CAMTA1: variants seen among roughly 807,000 people sequenced by gnomAD.
CAMTA1 encodes calmodulin binding transcription activator 1, also known as calmodulin-binding transcription activator 1.
Under a neutral mutation model 170.9 loss-of-function variants are expected in CAMTA1, and 27 were observed. The ratio of observed to expected loss-of-function variants is 0.16; its 90% confidence interval spans 0.12 to 0.22. CAMTA1 has a LOEUF of 0.22. Ranked by LOEUF, CAMTA1 falls within the 10% of genes least tolerant of loss-of-function variation. The pLI, the probability that CAMTA1 is intolerant of heterozygous loss-of-function variation, is 1.00. For synonymous variants in CAMTA1, 833 were observed against 891.5 expected (o/e 0.93, Z 1.17); for missense variants, 1,619 against 2,217.2 (o/e 0.73, Z 5.42).
chr1:6,900,610 A>T (rs1335236885), intron 3 of CAMTA1, among the ~76,000 whole-genome samples: 1 of 152,202 alleles, frequency 6.6e-6, no homozygotes, highest in Non-Finnish European at 1.5e-5. Context: ...ACAACAAGAT[A>T]CAAGATCAAT....
At chr1:7,060,678 G>A (rs1708071954) in intron 3 of CAMTA1, among the ~76,000 whole-genome samples, 3 of 151,846 alleles carry the variant, frequency 2.0e-5, no homozygotes, top group South Asian at 2.1e-4. Context: ...AGGTGCTCAC[G>A]GCCCTGCGGC....
chr1:6,915,978 T>TG (rs1680696568), intron 3 of CAMTA1, among the ~76,000 whole-genome samples: 2 of 152,278 alleles, frequency 1.3e-5, no homozygotes, highest in South Asian at 4.2e-4. Flanking sequence ...AGCTGCTTTC[T>TG]GGTGGGTCCC....
intron 5 of CAMTA1, among the ~76,000 whole-genome samples, chr1:7,296,940 C>T (rs1674041443): frequency 6.6e-6 from 1 of 152,064 alleles, no homozygotes; most frequent in South Asian, 2.1e-4. Context: ...GGCAAGAAAA[C>T]CAGGAAAGCA....
intron 4 of CAMTA1, among the ~76,000 whole-genome samples, chr1:7,165,842 A>G (rs1177958628): frequency 2.6e-5 from 4 of 152,178 alleles, no homozygotes; most frequent in Admixed American, 1.3e-4. Flanking sequence ...AGACCATCCA[A>G]TATTCTCTTG....
chr1:7,635,434 C>T lies in CAMTA1; in HGVS notation c.511-4966C>T, dbSNP rs1235020887. On this transcript the variant is annotated intron_variant, in intron 6 of 22. Transcript: ENST00000303635. This position sits in a 1 kb window ranked among gnomAD's most constrained non-coding sequence, Gnocchi z 4.4. ...TATCCTGGCTAACACGGTGAAACCC[C>T]GTCTCTACTAAAAAATACAAAACAA... Among the ~76,000 whole-genome samples the T allele has an allele frequency of 1.3e-5, 2 of 151,896 alleles. No individual in the cohort carries two copies. Among genetic ancestry groups the T allele is most frequent in the African/African-American group, 2.4e-5 (1 of 41,350 alleles).
intron 3 of CAMTA1, among the ~76,000 whole-genome samples, chr1:7,054,282 AAGG>A (rs1706945754): frequency 6.6e-6 from 1 of 152,210 alleles, no homozygotes; most frequent in Admixed American, 6.5e-5. Flanking sequence ...ACAAGGAAGG[AAGG>A]AGAAGAGAGG....
At chr1:7,047,153 G>T (rs2101533324) in intron 3 of CAMTA1, among the ~76,000 whole-genome samples, 1 of 152,316 alleles carries the variant, frequency 6.6e-6, no homozygotes, top group Non-Finnish European at 1.5e-5. Flanking sequence ...TGACTACATG[G>T]AGTGGAGTCT....
At chr1:7,281,799 TTG>T (rs57489369) in intron 5 of CAMTA1, among the ~76,000 whole-genome samples, 6,659 of 139,146 alleles carry the variant, frequency 0.048, 275 homozygotes, top group African/African-American at 0.12. Flanking sequence ...GGGAAAGAAA[TTG>T]TGTGTGTGTG....
At chr1:7,628,384 C>A (rs2095647382) in intron 6 of CAMTA1, among the ~76,000 whole-genome samples, 1 of 152,248 alleles carries the variant, frequency 6.6e-6, no homozygotes, top group South Asian at 2.1e-4. Flanking sequence ...GCCTGAGTGA[C>A]AAGCTCCACC....
chr1:6,992,662 G>GGCCAGA (rs1696579647), intron 3 of CAMTA1, among the ~76,000 whole-genome samples: 1 of 152,204 alleles, frequency 6.6e-6, no homozygotes, highest in East Asian at 1.9e-4. Flanking sequence ...AGGGAAAGCA[G>GGCCAGA]GCACGTCTTA....
In CAMTA1 at chr1:7,399,592, T is replaced by G. The variant is rs1575119574; in HGVS notation, c.439-68238T>G. 3.3e-5 allele frequency among the ~76,000 whole-genome samples: 5 copies of G among 152,354 alleles called. No homozygotes were observed. In the South Asian group the frequency reaches 1.0e-3, roughly 32 times the overall value. On this transcript the variant is annotated intron_variant, in intron 5 of 22. Coordinates refer to ENST00000303635, the MANE Select transcript of CAMTA1 (RefSeq NM_015215.4). ...CCGTGAGATTATGCTTTCATATGTT[T>G]CACAATAGTAATTATTGTTCCTTTA... is the stretch of plus-strand genomic sequence containing the variant.
At chr1:6,878,643 T>C (rs1042525542) in intron 3 of CAMTA1, among the ~76,000 whole-genome samples, 6 of 152,174 alleles carry the variant, frequency 3.9e-5, no homozygotes, top group Non-Finnish European at 7.3e-5. Context: ...TTCTCTCATA[T>C]CTTAGCACTT....
At chr1:7,631,548 CTGGGAGGTA>C (rs1199911902) in intron 6 of CAMTA1, among the ~76,000 whole-genome samples, 1 of 152,192 alleles carries the variant, frequency 6.6e-6, no homozygotes, top group Non-Finnish European at 1.5e-5. Flanking sequence ...GAAATGCCCA[CTGGGAGGTA>C]TGTGCTGTGG....
intron 20 of CAMTA1, 142 bp downstream of exon 20, chr1:7,751,534 C>T: frequency 3.3e-6 from 2 of 602,300 alleles, no homozygotes; most frequent in Non-Finnish European, 5.4e-6. Flanking sequence ...ACGTTTTAGG[C>T]ATGGTGGCTG....
At chr1:7,583,040 C>T (rs2095274910) in intron 6 of CAMTA1, among the ~76,000 whole-genome samples, 1 of 152,088 alleles carries the variant, frequency 6.6e-6, no homozygotes, top group Non-Finnish European at 1.5e-5. Context: ...CAGAACCTTC[C>T]AGTGGCCATC....
intron 11 of CAMTA1, among the ~76,000 whole-genome samples, chr1:7,695,416 A>G (rs1238297411): frequency 6.6e-6 from 1 of 152,180 alleles, no homozygotes; most frequent in Non-Finnish European, 1.5e-5. Flanking sequence ...TAACAGAGTG[A>G]GTGGGTGCTC....
At chr1:7,725,944 C>T (rs2149830690) in intron 11 of CAMTA1, among the ~76,000 whole-genome samples, 1 of 152,262 alleles carries the variant, frequency 6.6e-6, no homozygotes, top group Admixed American at 6.5e-5. Context: ...CAGCCAGGAA[C>T]AGGCGGGTGG....
At chr1:6,846,530 T>C (rs1658224101) in intron 3 of CAMTA1, among the ~76,000 whole-genome samples, 1 of 152,264 alleles carries the variant, frequency 6.6e-6, no homozygotes, top group East Asian at 1.9e-4. Context: ...ACAGAGTAGC[T>C]TGTATCATTT....
chr1:7,222,507 A>C (rs1660974490), intron 4 of CAMTA1, among the ~76,000 whole-genome samples: 3 of 152,060 alleles, frequency 2.0e-5, no homozygotes, highest in Admixed American at 2.0e-4. Context: ...CTGGCTCTAC[A>C]TCACCCCATG....
Sources: allele counts gnomAD v4.1 joint callset (sites outside exome capture counted in the v4.1 genomes callset), GRCh38; gene constraint gnomAD v4.1.1; non-coding constraint Gnocchi (gnomAD v3.1); transcripts MANE v1.5; gene names NCBI Gene and HGNC (gene_info 2026-07-23, HGNC 2026-07-21).